The following UBR1 variants were observed in gnomAD, a reference collection of about 807,000 sequenced individuals.
UBR1 encodes ubiquitin protein ligase E3 component n-recognin 1.
In UBR1, 102 loss-of-function variants were observed where a neutral mutation model predicts 242.1. The ratio of observed to expected loss-of-function variants is 0.42; its 90% CI spans 0.36 to 0.50. UBR1 has a LOEUF of 0.50. UBR1 is among the 20% of genes least tolerant of loss of function. The pLI is 0.01. For missense variants in UBR1, 1,772 were observed against 2,101.8 expected (o/e 0.84, Z 3.07); for synonymous variants, 675 against 684.8 (o/e 0.99, Z 0.22).
Position 43,086,072 on chromosome 15 carries a change from C to A in UBR1, c.250G>T (p.Asp84Tyr). 6.2e-7 allele frequency: 1 copy of A among 1,614,100 alleles called. No homozygotes were observed. The highest frequency in any genetic ancestry group is 8.5e-7 in the Non-Finnish European group (1 of 1,180,004). ...LEWYLFGEDPDICLEKLKHSG... is the reference protein window; with the variant it reads ...LEWYLFGEDPYICLEKLKHSG... The stretch of plus-strand genomic sequence containing the variant: ...TGCTTCAATTTCTCTAAGCAAATAT[C>A]TGGATCTTCTCCAAATAAGTACCAT... The change falls in exon 2 of 47, where the codon GAT (aspartate) becomes TAT (tyrosine). Residue 84 changes from aspartate (D) to tyrosine (Y), a missense_variant. Transcript: ENST00000290650.
intron 11 of UBR1, among the ~76,000 whole-genome samples, chr15:43,055,704 C>A (rs1445032652): frequency 6.6e-6 from 1 of 152,156 alleles, no homozygotes; most frequent in African/African-American, 2.4e-5. Context: ...CACCTGAGGT[C>A]AGGAGTTTGA....
At chr15:42,980,224 T>C (rs1284748286) in intron 37 of UBR1, among the ~76,000 whole-genome samples, 1 of 152,240 alleles carries the variant, frequency 6.6e-6, no homozygotes, top group Non-Finnish European at 1.5e-5. Flanking sequence ...AAATGATTTT[T>C]CTTTCCCTGA....
chr15:43,063,431 C>T (rs2033712352), intron 6 of UBR1, among the ~76,000 whole-genome samples: 1 of 152,144 alleles, frequency 6.6e-6, no homozygotes, highest in African/African-American at 2.4e-5. Flanking sequence ...AGTAATCCTA[C>T]CACAATAATA....
At chr15:42,965,350 A>G (rs563260385) in intron 41 of UBR1, among the ~76,000 whole-genome samples, 2 of 152,162 alleles carry the variant, frequency 1.3e-5, no homozygotes, top group Non-Finnish European at 2.9e-5. Context: ...TTTGGTCTAG[A>G]TTTAGAGGCA....
intron 33 of UBR1, among the ~76,000 whole-genome samples, chr15:42,994,026 T>C (rs964905132): frequency 6.6e-6 from 1 of 152,200 alleles, no homozygotes; most frequent in East Asian, 1.9e-4. Context: ...TCATTGTTAA[T>C]TGCTAAATAG....
At chr15:43,018,477 T>C (rs1036889002) in intron 27 of UBR1, among the ~76,000 whole-genome samples, 2 of 152,178 alleles carry the variant, frequency 1.3e-5, no homozygotes, top group Non-Finnish European at 2.9e-5. Context: ...GCAACCTGTC[T>C]CCTGGGCTCA....
Position 43,043,329 on chromosome 15 carries a change from T to G in UBR1, c.1735A>C (p.Ile579Leu). The G allele has an allele frequency of 6.2e-7, 1 of 1,614,146 alleles. No individual in the cohort carries two copies. Among genetic ancestry groups the G allele is most frequent in the Non-Finnish European group, 8.5e-7 (1 of 1,180,006 alleles). The change falls in exon 15 of 47, where the codon ATA (isoleucine) becomes CTA (leucine). Residue 579 changes from isoleucine to leucine, a missense_variant. Ile to Leu is a conservative substitution (Grantham distance 5, BLOSUM62 2). This residue lies in a region of UBR1 where 734 missense variants were observed against 893.3 expected (regional missense o/e 0.82). Coordinates refer to ENST00000290650, the MANE Select transcript of UBR1 (RefSeq NM_174916.3). ...KAVMRCSTSF[I>L]SSSKTVVQSC... is the part of the protein sequence containing the mutation. ...TGTACTACTGTCTTGCTACTAGATA[T>G]GAAACTGGTACTGCACCTCATCACA...
intron 1 of UBR1, among the ~76,000 whole-genome samples, chr15:43,097,341 G>A (rs574322911): frequency 1.2e-4 from 19 of 152,150 alleles, no homozygotes; most frequent in East Asian, 1.9e-4. Flanking sequence ...TTCAACATAC[G>A]CAGAGTAGCA....
Position 43,021,831 on chromosome 15 carries a change from G to A in UBR1, c.2840-456C>T, listed in dbSNP as rs2033114646. 1.3e-5 allele frequency among the ~76,000 whole-genome samples: 2 copies of A among 152,120 alleles called. 1 individual carries two copies. The highest frequency in any genetic ancestry group is 1.3e-4 in the Admixed American group (2 of 15,266). ...TTATTTACATTGATAACCAAGGTTT[G>A]CCAATCAATCCCTTAACTTCATTAA... On this transcript the variant is annotated intron_variant, in intron 26 of 46. Coordinates refer to ENST00000290650, the MANE Select transcript of UBR1 (RefSeq NM_174916.3).
At chr15:43,015,129 C>T (rs938650899) in intron 29 of UBR1, among the ~76,000 whole-genome samples, 4 of 152,220 alleles carry the variant, frequency 2.6e-5, no homozygotes, top group African/African-American at 7.2e-5. Flanking sequence ...GCCACCACCC[C>T]GTCTGGGAGG....
Position 42,960,493 on chromosome 15 carries a change from A to C in UBR1, c.4757+152T>G, listed in dbSNP as rs2141255093. ...CCAAGAAAAAAACATTTGTAGGAAG[A>C]ATCTGATTTCTGGCAAAGACCTAAC... On this transcript the variant is annotated intron_variant, in intron 43 of 46. Coordinates refer to ENST00000290650, the MANE Select transcript of UBR1 (RefSeq NM_174916.3). 3.8e-6 allele frequency: 3 copies of C among 780,702 alleles called. No individual in the cohort carries two copies. The East Asian group carries it at 8.3e-5, about 22-fold the overall frequency. The allele number at this position is 780,702 out of a possible 1,614,324, so 48.4% of individuals were successfully genotyped here. A position where few individuals can be genotyped will look rare whatever the true frequency, so the allele number is the denominator to read the frequency against.
chr15:43,006,823 T>C (rs1356799255), intron 30 of UBR1, among the ~76,000 whole-genome samples: 1 of 151,978 alleles, frequency 6.6e-6, no homozygotes, highest in Non-Finnish European at 1.5e-5. Context: ...AAAGGAAATA[T>C]AGCCAAAGCA....
Position 43,047,361 on chromosome 15 carries a change from A to G in UBR1, c.1540-72T>C, listed in dbSNP as rs975435727. ...TTTGCTCTGCTCTTGGCAAAATATAAAACTGTCAGGATTCATAACATTTTA... is the reference window on the plus strand; with the variant it reads ...TTTGCTCTGCTCTTGGCAAAATATAGAACTGTCAGGATTCATAACATTTTA... On this transcript the variant is annotated intron_variant, in intron 13 of 46. Transcript: ENST00000290650. 3.7e-6 allele frequency: 6 copies of G among 1,605,286 alleles called. No individual in the cohort carries two copies. In the African/African-American group the frequency reaches 6.7e-5, roughly 18 times the overall value.
At chr15:42,979,259 G>A (rs1041849841) in intron 37 of UBR1, among the ~76,000 whole-genome samples, 1 of 147,344 alleles carries the variant, frequency 6.8e-6, no homozygotes, top group East Asian at 2.0e-4. Context: ...GACCAGGCTC[G>A]AACTTCTGAC....
chr15:43,052,973 T>C (rs2033574630), intron 12 of UBR1, among the ~76,000 whole-genome samples: 1 of 152,238 alleles, frequency 6.6e-6, no homozygotes, highest in South Asian at 2.1e-4. Context: ...AGTAAGATTA[T>C]ATCAAGTACC....
rs558128076 is a variant in UBR1 at position 42,970,677 on chromosome 15, T to C, written c.4370-70A>G. On this transcript the variant is annotated intron_variant, in intron 39 of 46. Transcript: ENST00000290650. ...GTTTACAAATTAGACTTTAATTTCA[T>C]TGTTCCAAGACAATAAACAACGTAG... is the stretch of plus-strand genomic sequence containing the variant. 7.2e-6 allele frequency: 10 copies of C among 1,383,812 alleles called. No homozygotes were observed. In the South Asian group the frequency reaches 1.2e-4, roughly 16 times the overall value. 85.7% of individuals were successfully genotyped at this position (1,383,812 alleles called of 1,614,324 possible).
chr15:43,056,029 C>T (rs750623320), intron 11 of UBR1, among the ~76,000 whole-genome samples: 1 of 152,198 alleles, frequency 6.6e-6, no homozygotes, highest in African/African-American at 2.4e-5. Flanking sequence ...CACACCCTCC[C>T]ACTTCTTAGT....
chr15:43,097,198 G>A (rs2034172019), intron 1 of UBR1, among the ~76,000 whole-genome samples: 1 of 152,060 alleles, frequency 6.6e-6, no homozygotes, highest in South Asian at 2.1e-4. Flanking sequence ...GTGACCAAAT[G>A]TATTGTCAAT....
chr15:43,060,217 C>T (rs1030104717), intron 6 of UBR1, 103 bp from the exon 7 acceptor site: 24 of 1,061,484 alleles, frequency 2.3e-5, no homozygotes, highest in South Asian at 6.3e-5. Flanking sequence ...GAGCTCTAAT[C>T]GCGTGTTGAC....
Sources: gnomAD v4.1 joint callset for allele counts (sites outside exome capture counted in the v4.1 genomes callset) on GRCh38, gnomAD v4.1.1 for gene constraint, gnomAD v4.1.1 regional missense constraint, MANE v1.5 for transcripts, NCBI Gene and HGNC (gene_info 2026-07-23, HGNC 2026-07-21) for gene names.